Variants in SPPL3 observed in about 807,000 individuals in gnomAD.
The protein encoded by SPPL3 is signal peptide peptidase like 3.
SPPL3 carries 5 observed loss-of-function variants against 42.4 expected under a neutral mutation model. The ratio of observed to expected loss-of-function variants is 0.12; its 90% CI spans 0.06 to 0.25. The LOEUF is 0.25. Among genes scored for constraint, SPPL3 ranks in the 10% least tolerant of loss-of-function variants. The probability of loss-of-function intolerance (pLI) is 1.00; values close to 1 mark genes in which losing one functional copy is unlikely to be tolerated. For synonymous variants in SPPL3, 195 were observed against 181.8 expected (o/e 1.07, Z -0.58); for missense variants, 235 against 489.0 (o/e 0.48, Z 4.90).
intron 1 of SPPL3, among the ~76,000 whole-genome samples, chr12:120,821,181 G>T (rs1871055236): frequency 6.6e-6 from 1 of 152,202 alleles, no homozygotes; most frequent in Non-Finnish European, 1.5e-5. Context: ...GGATAGATAA[G>T]AAAGGATTTA....
chr12:120,834,377 C>T (rs1431568616), intron 1 of SPPL3, among the ~76,000 whole-genome samples: 2 of 152,106 alleles, frequency 1.3e-5, no homozygotes, highest in Non-Finnish European at 2.9e-5. Flanking sequence ...TTGTCTCCAA[C>T]AGGGGTTGGA....
chr12:120,892,601 G>A (rs1482899768), intron 1 of SPPL3, among the ~76,000 whole-genome samples: 1 of 152,194 alleles, frequency 6.6e-6, no homozygotes, highest in Non-Finnish European at 1.5e-5. Context: ...AGGGTTATAA[G>A]ACCAGATTGT....
intron 7 of SPPL3, 173 bp from the exon 8 acceptor site, chr12:120,768,661 A>G (rs1592952789): frequency 1.3e-6 from 1 of 767,592 alleles, no homozygotes; most frequent in Non-Finnish European, 2.0e-6. Context: ...CAATTTCTGC[A>G]CTCTCCACAC....
intron 1 of SPPL3, among the ~76,000 whole-genome samples, chr12:120,900,842 A>C (rs904908056): frequency 2.6e-5 from 4 of 151,674 alleles, no homozygotes; most frequent in African/African-American, 9.7e-5. Flanking sequence ...GAATTGTCTG[A>C]ACCTGGGAGG....
Position 120,861,375 on chromosome 12 carries a change from C to T in SPPL3, c.23+42470G>A, listed in dbSNP as rs567005002. 2.3e-4 allele frequency among the ~76,000 whole-genome samples: 35 copies of T among 152,186 alleles called. 1 individual carries two copies. In the South Asian group the frequency reaches 5.0e-3, roughly 22 times the overall value. On this transcript the variant is annotated intron_variant, in intron 1 of 10. Transcript: ENST00000353487. ...TAGAAAAACAGAAAAAGGAAGGAGA[C>T]AAAGTACAAAAATTCTCCAAAAGGA...
chr12:120,886,932 ATG>A (rs1873479908), intron 1 of SPPL3, among the ~76,000 whole-genome samples: 1 of 152,116 alleles, frequency 6.6e-6, no homozygotes, highest in South Asian at 2.1e-4. Context: ...AAAAGTTAAA[ATG>A]TCTCATTAAT....
rs568443132 is a variant in SPPL3, at chr12:120,791,450, T to C, written c.190+19A>G. On this transcript the variant is annotated intron_variant, in intron 3 of 10. Transcript: ENST00000353487. Reference sequence around the variant, plus strand: ...AGAAAACTATATGTACAGAAGTTAATTGACATAAAATATCTTACTATTATT... The same window carrying C: ...AGAAAACTATATGTACAGAAGTTAACTGACATAAAATATCTTACTATTATT... 29 of 1,549,252 alleles carry C rather than the reference T, an allele frequency of 1.9e-5. No homozygotes were observed. Among genetic ancestry groups the C allele is most frequent in the African/African-American group, 5.5e-5 (4 of 72,602 alleles).
intron 1 of SPPL3, among the ~76,000 whole-genome samples, chr12:120,817,649 A>T (rs907642277): frequency 4.6e-5 from 7 of 152,168 alleles, no homozygotes; most frequent in Non-Finnish European, 1.0e-4. Flanking sequence ...GCTAATTTAC[A>T]AACTCTTCAT....
chr12:120,767,664 T>G, intron 8 of SPPL3, 71 bp from the exon 9 acceptor site: 1 of 1,521,508 alleles, frequency 6.6e-7, no homozygotes, highest in Non-Finnish European at 9.0e-7. Context: ...TGTGCAAAGT[T>G]TGTTAGCTTT....
At chr12:120,851,883 C>T (rs11065293) in intron 1 of SPPL3, among the ~76,000 whole-genome samples, 62,511 of 151,990 alleles carry the variant, frequency 0.41, 14,461 homozygotes, top group Middle Eastern at 0.56. Flanking sequence ...GGATTACAGG[C>T]GTGAGCCACC....
At chr12:120,809,976 A>C (rs1209593131) in intron 2 of SPPL3, among the ~76,000 whole-genome samples, 1 of 150,876 alleles carries the variant, frequency 6.6e-6, no homozygotes, top group South Asian at 2.1e-4. Flanking sequence ...AACATAAAAA[A>C]ATTTTTTTTT....
At chr12:120,872,008 G>A (rs953508697) in intron 1 of SPPL3, among the ~76,000 whole-genome samples, 1 of 152,158 alleles carries the variant, frequency 6.6e-6, no homozygotes, top group Non-Finnish European at 1.5e-5. Context: ...ATGCTCAAAT[G>A]AGTATGTCCT....
intron 10 of SPPL3, among the ~76,000 whole-genome samples, 167 bp downstream of exon 10, chr12:120,766,096 G>GCACACACACACACACA (rs1382896432): frequency 1.1e-5 from 1 of 90,724 alleles, no homozygotes; most frequent in South Asian, 4.9e-4. Context: ...GGTAGCGCGC[G>GCACACACACACACACA]CGCGCACACA....
Position 120,764,778 on chromosome 12 carries a change from A to G in SPPL3, c.*221T>C. ...CTGGGGAGAGGCCTGTCCCTCTTGG[A>G]AGGGGCCCCACCTCTACATCCGCAG... On this transcript the variant is annotated 3_prime_UTR_variant, in exon 11 of 11. Transcript: ENST00000353487. 1 of 504,878 alleles carries G rather than the reference A, an allele frequency of 2.0e-6. No individual in the cohort carries two copies. The highest frequency in any genetic ancestry group is 3.5e-6 in the Non-Finnish European group (1 of 289,060). 31.3% of individuals were successfully genotyped at this position (504,878 alleles called of 1,614,324 possible). A position where few individuals can be genotyped will look rare whatever the true frequency, so the allele number is the denominator to read the frequency against.
chr12:120,846,392 G>T (rs1872041200), intron 1 of SPPL3, among the ~76,000 whole-genome samples: 1 of 152,164 alleles, frequency 6.6e-6, no homozygotes, highest in African/African-American at 2.4e-5. Context: ...TCTTTAAATA[G>T]ATTTTCAATT....
At chr12:120,879,815 TTA>T (rs141803971) in intron 1 of SPPL3, among the ~76,000 whole-genome samples, 1 of 151,994 alleles carries the variant, frequency 6.6e-6, no homozygotes, top group Non-Finnish European at 1.5e-5. Context: ...AAGGTAAAAG[TTA>T]TATATATACA....
At chr12:120,872,431 C>A (rs1872960288) in intron 1 of SPPL3, among the ~76,000 whole-genome samples, 4 of 152,100 alleles carry the variant, frequency 2.6e-5, no homozygotes, top group Admixed American at 2.0e-4. Context: ...ACTAACCAAA[C>A]TTAAAGCCTG....
intron 1 of SPPL3, among the ~76,000 whole-genome samples, chr12:120,848,535 C>T (rs918744889): frequency 6.6e-6 from 1 of 152,122 alleles, no homozygotes. Flanking sequence ...TACTTGCCCC[C>T]GCCACACCCC....
chr12:120,809,977 A>AT (rs575551744), intron 2 of SPPL3, among the ~76,000 whole-genome samples: 8,899 of 148,386 alleles, frequency 0.06, 310 homozygotes, highest in Non-Finnish European at 0.076. Context: ...ACATAAAAAA[A>AT]TTTTTTTTTT....
Sources: gnomAD v4.1 joint callset for allele counts (sites outside exome capture counted in the v4.1 genomes callset) on GRCh38, gnomAD v4.1.1 for gene constraint, MANE v1.5 for transcripts, NCBI Gene and HGNC (gene_info 2026-07-23, HGNC 2026-07-21) for gene names.